RXFP2: variants seen among roughly 807,000 people sequenced by gnomAD.
The protein encoded by RXFP2 is relaxin family peptide receptor 2.
In RXFP2, 68 loss-of-function variants were observed where a neutral mutation model predicts 88.6. That is an observed-to-expected ratio of 0.77 (90% CI 0.63 to 0.94). RXFP2 has a LOEUF of 0.94. RXFP2 is among the 40% of genes least tolerant of loss of function. The pLI is 0.00. For missense variants in RXFP2, 791 were observed against 893.9 expected (o/e 0.88, Z 1.47); for synonymous variants, 329 against 306.8 (o/e 1.07, Z -0.76).
chr13:31,765,476 G>A (rs1381302690), intron 4 of RXFP2, among the ~76,000 whole-genome samples: 2 of 150,714 alleles, frequency 1.3e-5, no homozygotes, highest in Non-Finnish European at 3.0e-5. Flanking sequence ...CTTATTCTAC[G>A]TTTTTTTTAA....
At chr13:31,755,755 A>G (rs1871916051) in intron 1 of RXFP2, among the ~76,000 whole-genome samples, 1 of 152,110 alleles carries the variant, frequency 6.6e-6, no homozygotes, top group Non-Finnish European at 1.5e-5. Context: ...AAGTCTTCCT[A>G]AAATAGTCAC....
chr13:31,790,589 A>T (rs969133894), intron 14 of RXFP2, among the ~76,000 whole-genome samples: 9 of 152,358 alleles, frequency 5.9e-5, no homozygotes, highest in Admixed American at 5.2e-4. Flanking sequence ...GACACCAGGG[A>T]CATAAAGATG....
intron 10 of RXFP2, 118 bp from the exon 11 acceptor site, chr13:31,782,558 C>A (rs1404945701): frequency 2.6e-6 from 2 of 777,330 alleles, no homozygotes; most frequent in Non-Finnish European, 4.6e-6. Context: ...AAGATGCCTC[C>A]CTTGAAGACT....
At chr13:31,768,354 G>A (rs1872625405) in intron 5 of RXFP2, among the ~76,000 whole-genome samples, 1 of 152,088 alleles carries the variant, frequency 6.6e-6, no homozygotes, top group African/African-American at 2.4e-5. Context: ...TAAAGCACAG[G>A]GGGATAAAAC....
At position 31,800,480 on chromosome 13, in the gene RXFP2, G is replaced by C. The variant is rs566400917; in HGVS notation, c.2006-1666G>C. ...CCAGCTACTCAGGAGGCTGAGGCAGGAGAATGGCATGAACATAAGAGGTAG... is the reference window on the plus strand; with the variant it reads ...CCAGCTACTCAGGAGGCTGAGGCAGCAGAATGGCATGAACATAAGAGGTAG... On this transcript the variant is annotated intron_variant, in intron 17 of 17. Coordinates refer to ENST00000298386, the MANE Select transcript of RXFP2 (RefSeq NM_130806.5). 7.9e-5 allele frequency among the ~76,000 whole-genome samples: 12 copies of C among 152,346 alleles called. 1 individual carries two copies. The South Asian group carries it at 2.5e-3, about 32-fold the overall frequency.
chr13:31,755,437 G>A (rs1871901401), intron 1 of RXFP2, among the ~76,000 whole-genome samples: 1 of 152,096 alleles, frequency 6.6e-6, no homozygotes, highest in Non-Finnish European at 1.5e-5. Context: ...GTGTGGGTGT[G>A]AGAGTGAGTG....
At chr13:31,785,763 A>G (rs1358636929) in intron 11 of RXFP2, among the ~76,000 whole-genome samples, 1 of 151,992 alleles carries the variant, frequency 6.6e-6, no homozygotes, top group Non-Finnish European at 1.5e-5. Flanking sequence ...ATTTCTTCTG[A>G]TTTTAACAGG....
intron 11 of RXFP2, among the ~76,000 whole-genome samples, chr13:31,784,424 C>G (rs1159057690): frequency 6.6e-6 from 1 of 152,152 alleles, no homozygotes; most frequent in Non-Finnish European, 1.5e-5. Context: ...CAAACCCATC[C>G]AGGGAGGAAT....
At chr13:31,780,154 A>G (rs928878714) in intron 9 of RXFP2, among the ~76,000 whole-genome samples, 3 of 152,176 alleles carry the variant, frequency 2.0e-5, no homozygotes, top group African/African-American at 2.4e-5. Context: ...TATTTTCACA[A>G]TGGGCTCACA....
At chr13:31,760,680 T>C (rs907141524) in intron 2 of RXFP2, among the ~76,000 whole-genome samples, 1 of 152,180 alleles carries the variant, frequency 6.6e-6, no homozygotes, top group African/African-American at 2.4e-5. Flanking sequence ...TAATAAGAAA[T>C]AGAAATAAAG....
chr13:31,766,210 G>A (rs538360101), intron 5 of RXFP2, among the ~76,000 whole-genome samples, 183 bp downstream of exon 5: 1 of 152,084 alleles, frequency 6.6e-6, no homozygotes, highest in South Asian at 2.1e-4. Context: ...TAATTTGAAG[G>A]AGCTGAACCC....
intron 16 of RXFP2, among the ~76,000 whole-genome samples, chr13:31,795,824 G>A (rs1039649681): frequency 2.6e-5 from 4 of 152,100 alleles, no homozygotes; most frequent in African/African-American, 9.7e-5. Context: ...AGCAAAGAGT[G>A]ACTAAGAAGT....
chr13:31,793,657 G>A (rs536059873), intron 16 of RXFP2, among the ~76,000 whole-genome samples: 1 of 152,164 alleles, frequency 6.6e-6, no homozygotes, highest in South Asian at 2.1e-4. Context: ...CTTTAGAAAT[G>A]AATGACAAAT....
At chr13:31,788,152 G>C (rs1242084459) in intron 13 of RXFP2, among the ~76,000 whole-genome samples, 9 of 143,648 alleles carry the variant, frequency 6.3e-5, no homozygotes, top group African/African-American at 2.2e-4. Flanking sequence ...AAAAAAAAAG[G>C]AAAATTAAAC....
At chr13:31,758,163 A>G in intron 1 of RXFP2, 95 bp from the exon 2 acceptor site, 1 of 1,181,618 alleles carries the variant, frequency 8.5e-7, no homozygotes. Context: ...TACCAGATGA[A>G]CTCAACTCAT....
At chr13:31,781,983 G>T (rs570344534) in intron 10 of RXFP2, among the ~76,000 whole-genome samples, 1 of 152,028 alleles carries the variant, frequency 6.6e-6, no homozygotes, top group Non-Finnish European at 1.5e-5. Context: ...CTTCTCAGCT[G>T]AACTGGGACC....
At chr13:31,761,650 A>G in intron 2 of RXFP2, 74 bp from the exon 3 acceptor site, 1 of 967,394 alleles carries the variant, frequency 1.0e-6, no homozygotes, top group Non-Finnish European at 1.7e-6. Flanking sequence ...TAAAATCATT[A>G]CCAAATTGTT....
chr13:31,759,873 C>T (rs1872215412), intron 2 of RXFP2, among the ~76,000 whole-genome samples: 1 of 152,104 alleles, frequency 6.6e-6, no homozygotes, highest in Non-Finnish European at 1.5e-5. Context: ...AGGACATAGC[C>T]TCTATCCACA....
intron 1 of RXFP2, among the ~76,000 whole-genome samples, chr13:31,740,278 C>T (rs1029261223): frequency 2.0e-5 from 3 of 151,926 alleles, no homozygotes; most frequent in Admixed American, 6.6e-5. Context: ...TTATTTCAGT[C>T]AAACTCTTAA....
Sources: gnomAD v4.1 joint callset for allele counts (sites outside exome capture counted in the v4.1 genomes callset) on GRCh38, gnomAD v4.1.1 for gene constraint, MANE v1.5 for transcripts, NCBI Gene and HGNC (gene_info 2026-07-23, HGNC 2026-07-21) for gene names.